Variants in RAP1GDS1 observed in about 807,000 individuals in gnomAD.
RAP1GDS1 encodes Rap1 GTPase-GDP dissociation stimulator 1, also known as RAP1, GTP-GDP dissociation stimulator 1.
Under a neutral mutation model 71.1 loss-of-function variants are expected in RAP1GDS1, and 35 were observed. That is an observed-to-expected ratio of 0.49 (90% CI 0.38 to 0.65). The LOEUF (loss-of-function observed/expected upper bound fraction) is 0.65, where lower values mean the gene tolerates loss of function less well. Ranked by LOEUF, RAP1GDS1 falls within the 30% of genes least tolerant of loss-of-function variation. The pLI is 0.00. For missense variants in RAP1GDS1, 663 were observed against 706.1 expected, an observed-to-expected ratio of 0.94 and a Z score of 0.69; for synonymous variants, 229 against 243.1, an observed-to-expected ratio of 0.94 and a Z score of 0.54.
intron 6 of RAP1GDS1, 105 bp downstream of exon 6, chr4:98,392,185 G>A: frequency 1.8e-6 from 2 of 1,099,430 alleles, no homozygotes; most frequent in African/African-American, 1.6e-5. Context: ...GATTGTATTA[G>A]TTTATTTTTT....
At chr4:98,375,853 C>T (rs61492687) in intron 4 of RAP1GDS1, among the ~76,000 whole-genome samples, 9 of 152,106 alleles carry the variant, frequency 5.9e-5, no homozygotes, top group Non-Finnish European at 1.2e-4. Context: ...ATGCACTGTA[C>T]GACATGCCAC....
At chr4:98,363,603 T>C (rs140685574) in intron 4 of RAP1GDS1, among the ~76,000 whole-genome samples, 1 of 151,158 alleles carries the variant, frequency 6.6e-6, no homozygotes, top group East Asian at 2.0e-4. Context: ...GAGTATTGTG[T>C]GATAAAGTTC....
At chr4:98,413,142 C>T (rs894252094) in intron 7 of RAP1GDS1, among the ~76,000 whole-genome samples, 9 of 152,132 alleles carry the variant, frequency 5.9e-5, no homozygotes, top group African/African-American at 2.2e-4. Context: ...CTTATCTCAA[C>T]CGCATAAGAC....
At chr4:98,373,720 T>G (rs1316169484) in intron 4 of RAP1GDS1, among the ~76,000 whole-genome samples, 1 of 152,198 alleles carries the variant, frequency 6.6e-6, no homozygotes, top group Non-Finnish European at 1.5e-5. Flanking sequence ...AAATATATTT[T>G]CACACCTGTA....
intron 6 of RAP1GDS1, among the ~76,000 whole-genome samples, chr4:98,399,664 C>T (rs766866636): frequency 3.3e-5 from 5 of 152,096 alleles, no homozygotes; most frequent in Non-Finnish European, 7.4e-5. Flanking sequence ...AAATGGCTAA[C>T]CAATGTATGA....
chr4:98,360,502 T>C (rs1738580684), intron 4 of RAP1GDS1, among the ~76,000 whole-genome samples: 1 of 152,174 alleles, frequency 6.6e-6, no homozygotes, highest in African/African-American at 2.4e-5. Flanking sequence ...ATCTGTTTTT[T>C]CCCCTTACCT....
chr4:98,348,150 G>A (rs1280313958), intron 3 of RAP1GDS1, among the ~76,000 whole-genome samples: 2 of 151,092 alleles, frequency 1.3e-5, no homozygotes, highest in African/African-American at 4.9e-5. Context: ...GGTGTGTGAT[G>A]TTCCCCTTCC....
At chr4:98,324,978 A>G (rs1732720057) in intron 2 of RAP1GDS1, among the ~76,000 whole-genome samples, 1 of 151,134 alleles carries the variant, frequency 6.6e-6, no homozygotes. Flanking sequence ...ATCAGAGTGA[A>G]CAGGCAACCT....
chr4:98,351,760 A>G (rs1737229965), intron 3 of RAP1GDS1, among the ~76,000 whole-genome samples: 1 of 152,002 alleles, frequency 6.6e-6, no homozygotes, highest in South Asian at 2.1e-4. Context: ...GAGTTAATAC[A>G]TAAAGAATGG....
At chr4:98,408,019 G>A (rs1746400591) in intron 7 of RAP1GDS1, among the ~76,000 whole-genome samples, 1 of 151,892 alleles carries the variant, frequency 6.6e-6, no homozygotes, top group African/African-American at 2.4e-5. Context: ...AAGAATGCAA[G>A]AGGAGGAGAC....
At chr4:98,331,309 G>A (rs1328919276) in intron 2 of RAP1GDS1, among the ~76,000 whole-genome samples, 1 of 150,854 alleles carries the variant, frequency 6.6e-6, no homozygotes, top group Non-Finnish European at 1.5e-5. Context: ...CGAAGGAGAG[G>A]GGGAGACCGT....
chr4:98,304,332 A>AT (rs2110303127), intron 2 of RAP1GDS1, among the ~76,000 whole-genome samples: 1 of 152,174 alleles, frequency 6.6e-6, no homozygotes, highest in East Asian at 1.9e-4. Context: ...AAGTGTTCCT[A>AT]TTTCTCCACA....
chr4:98,435,988 G>T (rs575690143), intron 13 of RAP1GDS1, among the ~76,000 whole-genome samples: 146 of 151,356 alleles, frequency 9.6e-4, no homozygotes, highest in African/African-American at 3.3e-3. Context: ...GGAGAATGGC[G>T]TGAACCCAGG....
chr4:98,391,766 AAACTC>A (rs968123230), intron 5 of RAP1GDS1, among the ~76,000 whole-genome samples, 181 bp from the exon 6 acceptor site: 1 of 152,190 alleles, frequency 6.6e-6, no homozygotes, highest in African/African-American at 2.4e-5. Context: ...ATTCAAAACT[AAACTC>A]TTCTGAACTA....
At chr4:98,302,188 C>G (rs1412688877) in intron 2 of RAP1GDS1, among the ~76,000 whole-genome samples, 1 of 152,112 alleles carries the variant, frequency 6.6e-6, no homozygotes, top group African/African-American at 2.4e-5. Flanking sequence ...TAACAGAACA[C>G]CATGACCTAT....
chr4:98,380,231 A>G (rs1008960837), intron 5 of RAP1GDS1, among the ~76,000 whole-genome samples: 3 of 151,734 alleles, frequency 2.0e-5, no homozygotes, highest in African/African-American at 4.8e-5. Flanking sequence ...TTCTCTAGCC[A>G]GTTGTTTCTG....
chr4:98,350,638 GAC>G (rs1451381321), intron 3 of RAP1GDS1, among the ~76,000 whole-genome samples: 3 of 152,180 alleles, frequency 2.0e-5, no homozygotes, highest in Non-Finnish European at 4.4e-5. Context: ...AGGAGTTCAA[GAC>G]CAGCGTGGCC....
intron 2 of RAP1GDS1, among the ~76,000 whole-genome samples, chr4:98,311,406 GT>G (rs1578393871): frequency 6.6e-6 from 1 of 152,098 alleles, no homozygotes; most frequent in African/African-American, 2.4e-5. Context: ...AAATAACTCT[GT>G]AAAATGGGAA....
chr4:98,288,283 T>C (rs1334202404), intron 1 of RAP1GDS1, among the ~76,000 whole-genome samples: 1 of 152,186 alleles, frequency 6.6e-6, no homozygotes, highest in Non-Finnish European at 1.5e-5. Context: ...CATGCGGTGT[T>C]TGGTTTTTTG....
Sources: allele counts gnomAD v4.1 joint callset (sites outside exome capture counted in the v4.1 genomes callset), GRCh38; gene constraint gnomAD v4.1.1; transcripts MANE v1.5; gene names NCBI Gene and HGNC (gene_info 2026-07-23, HGNC 2026-07-21).